The following PPP1R9A variants were observed in gnomAD, a reference collection of about 807,000 sequenced individuals.
The protein encoded by PPP1R9A is neurabin-1.
Under a neutral mutation model 141.9 loss-of-function variants are expected in PPP1R9A, and 59 were observed. That is an observed-to-expected ratio of 0.42 (90% CI 0.34 to 0.52). The LOEUF (loss-of-function observed/expected upper bound fraction) is 0.52. Among genes scored for constraint, PPP1R9A ranks in the 20% least tolerant of loss-of-function variants. PPP1R9A has a pLI of 0.10. For synonymous variants in PPP1R9A, 500 were observed against 569.7 expected (o/e 0.88, Z 1.74); for missense variants, 1,444 against 1,611.9 (o/e 0.90, Z 1.78).
chr7:95,276,001 G>A (rs141874443), intron 16 of PPP1R9A, among the ~76,000 whole-genome samples: 6 of 152,208 alleles, frequency 3.9e-5, no homozygotes, highest in Admixed American at 1.3e-4. Context: ...TGTGTGGTTC[G>A]GGAGTGAGAA....
At chr7:95,186,235 T>C (rs1352302259) in intron 5 of PPP1R9A, among the ~76,000 whole-genome samples, 3 of 152,090 alleles carry the variant, frequency 2.0e-5, no homozygotes, top group Non-Finnish European at 4.4e-5. Flanking sequence ...TGTAGAGATC[T>C]TTCGAAACTC....
intron 18 of PPP1R9A, among the ~76,000 whole-genome samples, chr7:95,286,911 C>T (rs1355743950): frequency 6.6e-6 from 1 of 152,000 alleles, no homozygotes; most frequent in African/African-American, 2.4e-5. Flanking sequence ...GATATTTTTG[C>T]TCTAAATATT....
chr7:95,164,774 A>G lies in PPP1R9A; in HGVS notation c.1754+2803A>G, dbSNP rs912498546. On this transcript the variant is annotated intron_variant, in intron 5 of 19. Transcript: ENST00000433360. ...TTTTTTTTTTTTTCAGGCATGGCCT[A>G]TTTTAACTGTTCCATGCTTTATTCT... Among the ~76,000 whole-genome samples, 10 of 55,756 alleles carry G rather than the reference A, an allele frequency of 1.8e-4. No homozygotes were observed. The East Asian group carries it at 3.5e-3, about 20-fold the overall frequency. 36.6% of individuals were successfully genotyped at this position (55,756 alleles called of 152,430 possible). A position where few individuals can be genotyped will look rare whatever the true frequency, so the allele number is the denominator to read the frequency against.
chr7:94,921,446 C>CA (rs201039573), intron 2 of PPP1R9A, among the ~76,000 whole-genome samples: 12,392 of 91,932 alleles, frequency 0.13, 597 homozygotes, highest in African/African-American at 0.2. Context: ...GACTCCGGCT[C>CA]AAAAAAAAAA....
intron 2 of PPP1R9A, among the ~76,000 whole-genome samples, chr7:94,980,858 T>C (rs527415741): frequency 1.3e-5 from 2 of 152,090 alleles, no homozygotes; most frequent in Non-Finnish European, 2.9e-5. Flanking sequence ...ATCAGATAAT[T>C]TTAAAAATGC....
At chr7:94,916,411 G>C (rs1042823761) in intron 2 of PPP1R9A, among the ~76,000 whole-genome samples, 1 of 152,176 alleles carries the variant, frequency 6.6e-6, no homozygotes, top group African/African-American at 2.4e-5. Flanking sequence ...CAATCTTCTG[G>C]CTTCTGAAAG....
chr7:94,937,967 CAG>C (rs1484329393), intron 2 of PPP1R9A, among the ~76,000 whole-genome samples: 1 of 152,112 alleles, frequency 6.6e-6, no homozygotes, highest in East Asian at 1.9e-4. Flanking sequence ...CAGGTACCAT[CAG>C]AGTTTTCAAT....
At chr7:95,259,699 A>T (rs2153027788) in intron 12 of PPP1R9A, among the ~76,000 whole-genome samples, 1 of 152,270 alleles carries the variant, frequency 6.6e-6, no homozygotes, top group Non-Finnish European at 1.5e-5. Flanking sequence ...AGAATTTTAA[A>T]ATAAGGTTAA....
chr7:95,188,005 A>G (rs1355990113), intron 5 of PPP1R9A, among the ~76,000 whole-genome samples: 1 of 152,068 alleles, frequency 6.6e-6, no homozygotes, highest in Non-Finnish European at 1.5e-5. Flanking sequence ...TGTTCTCTAA[A>G]TATCTGTTAA....
chr7:94,980,342 G>C (rs748574813), intron 2 of PPP1R9A, among the ~76,000 whole-genome samples: 3 of 152,054 alleles, frequency 2.0e-5, no homozygotes, highest in Non-Finnish European at 4.4e-5. Context: ...ATTTATGTGC[G>C]TGTGTGTGTA....
At chr7:95,093,014 T>C (rs930591591) in intron 2 of PPP1R9A, among the ~76,000 whole-genome samples, 3 of 152,228 alleles carry the variant, frequency 2.0e-5, no homozygotes, top group African/African-American at 4.8e-5. Flanking sequence ...ACATATGGCA[T>C]ATGTATTTAC....
At position 94,949,923 on chromosome 7, in the gene PPP1R9A, T is replaced by C. The variant is rs149249985; in HGVS notation, c.1395+38415T>C. 9.0e-3 allele frequency among the ~76,000 whole-genome samples: 1,359 copies of C among 151,412 alleles called. 80 individuals are homozygous for C. The highest frequency in any genetic ancestry group is 0.079 in the Admixed American group (1,190 of 15,128). ...AAAACAGTTCTTTTTTTTTTTTTTT[T>C]GAATGGTCACTTTTTTTTTGAACTT... On this transcript the variant is annotated intron_variant, in intron 2 of 19. Transcript: ENST00000433360.
rs188422809 is a variant in PPP1R9A, at chr7:94,944,678, G to A, written c.1395+33170G>A. Among the ~76,000 whole-genome samples, 637 of 152,090 alleles carry A rather than the reference G, an allele frequency of 4.2e-3. 5 individuals carry two copies. Among genetic ancestry groups the A allele is most frequent in the African/African-American group, 0.015 (606 of 41,514 alleles). ...CCAAACCCTTTTCAGAGCAGTTTTT[G>A]TAATCACTTTTTGTGGTGTTTGTTG... On this transcript the variant is annotated intron_variant, in intron 2 of 19. Transcript: ENST00000433360.
chr7:95,173,807 A>G (rs1233840013), intron 5 of PPP1R9A, among the ~76,000 whole-genome samples: 5 of 152,068 alleles, frequency 3.3e-5, no homozygotes, highest in Non-Finnish European at 7.4e-5. Flanking sequence ...GGTAAATTAA[A>G]TCCACAATGA....
At chr7:95,020,500 T>A (rs1805789523) in intron 2 of PPP1R9A, among the ~76,000 whole-genome samples, 1 of 152,226 alleles carries the variant, frequency 6.6e-6, no homozygotes, top group African/African-American at 2.4e-5. Context: ...CTAGGGTACA[T>A]GTGCAGCACG....
intron 3 of PPP1R9A, among the ~76,000 whole-genome samples, chr7:95,120,111 C>A (rs1194218148): frequency 1.3e-5 from 2 of 151,892 alleles, no homozygotes; most frequent in African/African-American, 4.8e-5. Flanking sequence ...TGCCTGCCCC[C>A]ACACCCGGCT....
chr7:95,120,235 G>A (rs1822317578), intron 3 of PPP1R9A, among the ~76,000 whole-genome samples: 1 of 152,112 alleles, frequency 6.6e-6, no homozygotes, highest in African/African-American at 2.4e-5. Context: ...GGGATTGCTA[G>A]CATGAGCCAC....
At chr7:95,252,200 T>A in intron 12 of PPP1R9A, 70 bp downstream of exon 12, 1 of 1,438,158 alleles carries the variant, frequency 7.0e-7, no homozygotes. Context: ...TTTCTTTTTC[T>A]GACCCAGAGA....
In PPP1R9A at chr7:94,961,063, G is replaced by A. The variant is rs1797587174; in HGVS notation, c.1395+49555G>A. Among the ~76,000 whole-genome samples, 4 of 151,528 alleles carry A rather than the reference G, an allele frequency of 2.6e-5. No homozygotes were observed. In the South Asian group the frequency reaches 8.3e-4, roughly 31 times the overall value. ...ATGTAAATTAGTTTGAATAGGTAAA[G>A]GGGAGAATTGAGTAGTGATATGATG... On this transcript the variant is annotated intron_variant, in intron 2 of 19. Coordinates refer to ENST00000433360, the MANE Select transcript of PPP1R9A (RefSeq NM_001166160.2).
Sources: gnomAD v4.1 joint callset for allele counts (sites outside exome capture counted in the v4.1 genomes callset) on GRCh38, gnomAD v4.1.1 for gene constraint, MANE v1.5 for transcripts, NCBI Gene and HGNC (gene_info 2026-07-23, HGNC 2026-07-21) for gene names.